FANCC: variants seen among roughly 807,000 people sequenced by gnomAD.
The protein encoded by FANCC is Fanconi anemia group C protein.
FANCC carries 55 observed loss-of-function variants against 71.3 expected under a neutral mutation model. The observed-to-expected ratio is 0.77, with a 90% CI of 0.62 to 0.97. The LOEUF (loss-of-function observed/expected upper bound fraction) is 0.97. Ranked by LOEUF, FANCC falls within the 50% of genes least tolerant of loss-of-function variation. The pLI, the probability that FANCC is intolerant of heterozygous loss-of-function variation, is 0.00. For missense variants in FANCC, 678 were observed against 670.9 expected, an observed-to-expected ratio of 1.01 and a Z score of -0.12; for synonymous variants, 275 against 244.9, an observed-to-expected ratio of 1.12 and a Z score of -1.15.
intron 4 of FANCC, among the ~76,000 whole-genome samples, chr9:95,237,633 T>G (rs1830402629): frequency 6.6e-6 from 1 of 152,234 alleles, no homozygotes; most frequent in African/African-American, 2.4e-5. Context: ...CAATTTTAAT[T>G]TAAATACCGA....
chr9:95,181,490 T>C (rs1468270146), intron 4 of FANCC, among the ~76,000 whole-genome samples: 2 of 152,196 alleles, frequency 1.3e-5, no homozygotes, highest in East Asian at 1.9e-4. Flanking sequence ...AGATTAGGCA[T>C]TGGCTCTTGG....
chr9:95,305,320 A>G (rs1186076611), intron 1 of FANCC, among the ~76,000 whole-genome samples: 1 of 152,240 alleles, frequency 6.6e-6, no homozygotes, highest in Non-Finnish European at 1.5e-5. Flanking sequence ...GAGCACAGAA[A>G]GAAACTTTAG....
At chr9:95,309,767 G>A (rs1835274418) in intron 1 of FANCC, among the ~76,000 whole-genome samples, 1 of 152,082 alleles carries the variant, frequency 6.6e-6, no homozygotes, top group Non-Finnish European at 1.5e-5. Flanking sequence ...ATGTTATGTG[G>A]GACACACATG....
chr9:95,165,088 C>G (rs1179672811), intron 6 of FANCC, among the ~76,000 whole-genome samples: 2 of 151,866 alleles, frequency 1.3e-5, no homozygotes, highest in African/African-American at 2.4e-5. Context: ...ATAGTAGTCT[C>G]AATCTTTTTA....
chr9:95,127,875 C>A (rs777865913), intron 8 of FANCC, among the ~76,000 whole-genome samples: 2 of 152,198 alleles, frequency 1.3e-5, no homozygotes, highest in Non-Finnish European at 2.9e-5. Context: ...AGCTCTGCCA[C>A]TTTTTCAGGA....
chr9:95,181,955 C>T (rs1826398865), intron 4 of FANCC, among the ~76,000 whole-genome samples: 1 of 152,094 alleles, frequency 6.6e-6, no homozygotes, highest in Admixed American at 6.5e-5. Flanking sequence ...TCTGCTCCCT[C>T]GTGTAACAGG....
intron 12 of FANCC, among the ~76,000 whole-genome samples, chr9:95,112,808 T>C (rs1324491312): frequency 6.6e-6 from 1 of 152,248 alleles, no homozygotes; most frequent in African/African-American, 2.4e-5. Context: ...AGGTATCTCA[T>C]GGCTCCAAGG....
intron 12 of FANCC, chr9:95,114,318 T>C (rs2072214786): frequency 5.2e-6 from 2 of 388,140 alleles, no homozygotes; most frequent in Admixed American, 3.6e-5. Flanking sequence ...GGTGCTGCTT[T>C]TTCCAAGGCC....
Position 95,162,284 on chromosome 9 carries a change from ACTTC to A in FANCC, c.521+8791_521+8794del, listed in dbSNP as rs575701745. Among the ~76,000 whole-genome samples, 137 of 152,334 alleles carry A rather than the reference ACTTC, an allele frequency of 9.0e-4. No individual in the cohort carries two copies. The South Asian group carries it at 9.5e-3, about 11-fold the overall frequency. On this transcript the variant is annotated intron_variant, in intron 6 of 14. Coordinates refer to ENST00000289081, the MANE Select transcript of FANCC (RefSeq NM_000136.3). ...CATCCACACTGTAGCATATGACAGG[ACTTC>A]CTTCTTTTCTAAGGTGGAATAATCT...
intron 4 of FANCC, among the ~76,000 whole-genome samples, chr9:95,184,610 G>C (rs1354766633): frequency 6.6e-6 from 1 of 152,216 alleles, no homozygotes; most frequent in Non-Finnish European, 1.5e-5. Flanking sequence ...AAAGATGTCA[G>C]TTCTCTGGCA....
intron 4 of FANCC, among the ~76,000 whole-genome samples, chr9:95,226,070 T>C (rs997778875): frequency 2.6e-5 from 4 of 152,236 alleles, no homozygotes; most frequent in African/African-American, 9.6e-5. Flanking sequence ...AAATGCCATA[T>C]TTACACTGCA....
chr9:95,224,723 A>T (rs1272830161), intron 4 of FANCC, among the ~76,000 whole-genome samples: 1 of 151,878 alleles, frequency 6.6e-6, no homozygotes, highest in Non-Finnish European at 1.5e-5. Context: ...ATTTTTTTTT[A>T]ATATATAGGA....
chr9:95,294,403 A>AG, intron 1 of FANCC: 1 of 1,603,716 alleles, frequency 6.2e-7, no homozygotes, highest in Non-Finnish European at 8.5e-7. Flanking sequence ...CTATGGGTGT[A>AG]GGGGAAATTC....
At chr9:95,104,264 C>T (rs1198014909) in intron 14 of FANCC, among the ~76,000 whole-genome samples, 4 of 152,236 alleles carry the variant, frequency 2.6e-5, no homozygotes, top group Non-Finnish European at 4.4e-5. Flanking sequence ...TTCAAAACAT[C>T]CGAAAGGACA....
At chr9:95,219,528 AC>A (rs1829096828) in intron 4 of FANCC, among the ~76,000 whole-genome samples, 1 of 152,182 alleles carries the variant, frequency 6.6e-6, no homozygotes, top group Non-Finnish European at 1.5e-5. Context: ...ACACAGGGAA[AC>A]ATGGCCCCTT....
Position 95,209,787 on chromosome 9 carries a change from G to T in FANCC, c.345+30862C>A, listed in dbSNP as rs567560227. 1.2e-4 allele frequency among the ~76,000 whole-genome samples: 19 copies of T among 152,138 alleles called. No individual in the cohort carries two copies. In the South Asian group the frequency reaches 1.5e-3, roughly 12 times the overall value. On this transcript the variant is annotated intron_variant, in intron 4 of 14. Coordinates refer to ENST00000289081, the MANE Select transcript of FANCC (RefSeq NM_000136.3). ...CCTCCATTCCAAGGTAATCACTCTGGTTCAAGCCCTCATAACCCCTTGCCT... is the reference window on the plus strand; with the variant it reads ...CCTCCATTCCAAGGTAATCACTCTGTTTCAAGCCCTCATAACCCCTTGCCT...
At chr9:95,283,167 C>A (rs1013061726) in intron 1 of FANCC, among the ~76,000 whole-genome samples, 5 of 152,216 alleles carry the variant, frequency 3.3e-5, no homozygotes, top group African/African-American at 1.2e-4. Context: ...ACTACAGCCT[C>A]AAACTCGTGG....
intron 6 of FANCC, among the ~76,000 whole-genome samples, chr9:95,167,660 T>C (rs1286315970): frequency 6.6e-6 from 1 of 152,210 alleles, no homozygotes; most frequent in Non-Finnish European, 1.5e-5. Flanking sequence ...GTTTGGTTCT[T>C]TTCTAGTTTC....
intron 1 of FANCC, among the ~76,000 whole-genome samples, chr9:95,281,198 G>C (rs907091744): frequency 6.6e-6 from 1 of 151,972 alleles, no homozygotes; most frequent in Non-Finnish European, 1.5e-5. Context: ...GGAAGATCAA[G>C]GGCAACCAGT....
Sources: allele counts gnomAD v4.1 joint callset (sites outside exome capture counted in the v4.1 genomes callset), GRCh38; gene constraint gnomAD v4.1.1; transcripts MANE v1.5; gene names NCBI Gene and HGNC (gene_info 2026-07-23, HGNC 2026-07-21).